Variants in RHAG observed in about 807,000 individuals in gnomAD.
RHAG encodes Rh associated glycoprotein.
Under a neutral mutation model 42.4 loss-of-function variants are expected in RHAG, and 25 were observed. That is an observed-to-expected ratio of 0.59 (90% CI 0.43 to 0.82). The LOEUF (loss-of-function observed/expected upper bound fraction) is 0.82, where lower values mean the gene tolerates loss of function less well. Ranked by LOEUF, RHAG falls within the 40% of genes least tolerant of loss-of-function variation. The probability of loss-of-function intolerance (pLI) is 0.00; values close to 1 mark genes in which losing one functional copy is unlikely to be tolerated. For synonymous variants in RHAG, 182 were observed against 177.7 expected (o/e 1.02, Z -0.19); for missense variants, 483 against 504.6 (o/e 0.96, Z 0.41).
intron 1 of RHAG, among the ~76,000 whole-genome samples, chr6:49,622,037 T>C (rs1193134575): frequency 6.6e-6 from 1 of 151,934 alleles, no homozygotes; most frequent in Non-Finnish European, 1.5e-5. Context: ...TTATTGGTTT[T>C]AAACTGTGCA....
chr6:49,607,542 A>G (rs1051221830), intron 7 of RHAG, among the ~76,000 whole-genome samples: 12 of 152,186 alleles, frequency 7.9e-5, no homozygotes, highest in Non-Finnish European at 1.5e-5. Flanking sequence ...AATATTGAGT[A>G]TCCACTCTCT....
At chr6:49,630,893 A>G (rs1440248437) in intron 1 of RHAG, among the ~76,000 whole-genome samples, 2 of 152,148 alleles carry the variant, frequency 1.3e-5, no homozygotes, top group African/African-American at 2.4e-5. Context: ...TATTCACTCA[A>G]GTTTCATACA....
chr6:49,605,572 A>T lies in RHAG; in HGVS notation c.*241T>A. On this transcript the variant is annotated 3_prime_UTR_variant, in exon 10 of 10. Coordinates refer to ENST00000371175, the MANE Select transcript of RHAG (RefSeq NM_000324.3). ...TATTTGATTATCTGTTTTATGAGTA[A>T]CATCCCCTCAATTAATCATTGAAGA... is the stretch of plus-strand genomic sequence containing the variant. The T allele has an allele frequency of 1.7e-6, 1 of 593,788 alleles. No individual in the cohort carries two copies. Among genetic ancestry groups the T allele is most frequent in the Non-Finnish European group, 3.0e-6 (1 of 328,076 alleles). 36.8% of individuals were successfully genotyped at this position (593,788 alleles called of 1,614,324 possible).
intron 1 of RHAG, among the ~76,000 whole-genome samples, chr6:49,623,732 AG>A (rs1304699612): frequency 1.3e-5 from 2 of 152,244 alleles, no homozygotes; most frequent in African/African-American, 2.4e-5. Flanking sequence ...GCTTCCCACA[AG>A]GAAGTATTGG....
intron 1 of RHAG, among the ~76,000 whole-genome samples, chr6:49,621,734 ATATGCATGATTCT>A (rs941930402): frequency 9.9e-5 from 15 of 152,174 alleles, no homozygotes; most frequent in African/African-American, 3.6e-4. Context: ...AACTTAGGGG[ATATGCATGATTCT>A]TAGTATGGTT....
chr6:49,622,163 A>T (rs1319679558), intron 1 of RHAG, among the ~76,000 whole-genome samples: 2 of 150,698 alleles, frequency 1.3e-5, no homozygotes, highest in East Asian at 3.9e-4. Flanking sequence ...TAATGGAGGC[A>T]GGTCCTTCCC....
At chr6:49,615,514 C>A in intron 4 of RHAG, 110 bp downstream of exon 4, 1 of 1,269,010 alleles carries the variant, frequency 7.9e-7, no homozygotes. Flanking sequence ...TCGTTCACTA[C>A]CATGCCTGGC....
intron 1 of RHAG, among the ~76,000 whole-genome samples, chr6:49,633,265 C>A (rs983399975): frequency 2.6e-5 from 4 of 152,054 alleles, no homozygotes; most frequent in African/African-American, 9.7e-5. Context: ...AGGAACCGAG[C>A]CTTTTCTTTG....
rs566504084 is a variant in RHAG, at chr6:49,607,762, G to C, written c.1068-542C>G. Among the ~76,000 whole-genome samples, 6 of 152,304 alleles carry C rather than the reference G, an allele frequency of 3.9e-5. No individual in the cohort carries two copies. In the South Asian group the frequency reaches 1.2e-3, roughly 32 times the overall value. ...TGAAAGAATGTGATAAAAGGCCATT[G>C]AAGTGCATAAAGGTGTTATATGAAT... On this transcript the variant is annotated intron_variant, in intron 7 of 9. Coordinates refer to ENST00000371175, the MANE Select transcript of RHAG (RefSeq NM_000324.3).
intron 2 of RHAG, 145 bp from the exon 3 acceptor site, chr6:49,618,363 C>G: frequency 2.5e-6 from 2 of 798,012 alleles, no homozygotes; most frequent in Non-Finnish European, 4.2e-6. Context: ...CTCTTTTTGA[C>G]CAGACACTCT....
At chr6:49,629,776 C>T (rs1046134403) in intron 1 of RHAG, among the ~76,000 whole-genome samples, 2 of 152,240 alleles carry the variant, frequency 1.3e-5, no homozygotes, top group Non-Finnish European at 2.9e-5. Context: ...ACACCCTCCG[C>T]AGCCGCTGGC....
intron 3 of RHAG, among the ~76,000 whole-genome samples, chr6:49,616,234 C>T (rs919483313): frequency 6.6e-6 from 1 of 151,756 alleles, no homozygotes; most frequent in Non-Finnish European, 1.5e-5. Context: ...CTTGTAGTCC[C>T]AGCTACTGGG....
intron 3 of RHAG, 61 bp downstream of exon 3, chr6:49,618,007 G>GT: frequency 6.0e-6 from 9 of 1,511,610 alleles, no homozygotes; most frequent in East Asian, 2.3e-5. Context: ...GACACCCATT[G>GT]TTTTTTTGTA....
Position 49,606,838 on chromosome 6 carries a change from T to C in RHAG, c.1212+10A>G, listed in dbSNP as rs760395488. On this transcript the variant is annotated intron_variant, in intron 9 of 9. Coordinates refer to ENST00000371175, the MANE Select transcript of RHAG (RefSeq NM_000324.3). ...TCGTTCACATTCTTGTTTAGAATACTGTACAGTACCTTCCAATAAACAGAA... is the reference window on the plus strand; with the variant it reads ...TCGTTCACATTCTTGTTTAGAATACCGTACAGTACCTTCCAATAAACAGAA... The C allele has an allele frequency of 2.6e-6, 4 of 1,567,442 alleles. No individual in the cohort carries two copies. The highest frequency in any genetic ancestry group is 2.2e-5 in the South Asian group (2 of 90,104).
chr6:49,615,737 G>C lies in RHAG; in HGVS notation c.527C>G (p.Ala176Gly). ...AGCCAAGCCAAAGTAGGCCCCAAAG[G>C]CATGGATCGTCATTGATGCTCCAAT... is the stretch of plus-strand genomic sequence containing the variant. ...SDIGASMTIH[A>G]FGAYFGLAVA... The change falls in exon 4 of 10, where the codon GCC (alanine) becomes GGC (glycine). Residue 176 changes from alanine to glycine, a missense_variant. Ala to Gly is a moderately conservative substitution (Grantham distance 60). Transcript: ENST00000371175. The C allele has an allele frequency of 6.2e-7, 1 of 1,614,096 alleles. No homozygotes were observed. Among genetic ancestry groups the C allele is most frequent in the Non-Finnish European group, 8.5e-7 (1 of 1,180,014 alleles).
chr6:49,620,610 C>CAGTGGCATG (rs1762739387), intron 1 of RHAG, among the ~76,000 whole-genome samples: 1 of 152,016 alleles, frequency 6.6e-6, no homozygotes, highest in Non-Finnish European at 1.5e-5. Context: ...CGGCTCACTG[C>CAGTGGCATG]AACCTCCGCC....
Position 49,611,021 on chromosome 6 carries a change from C to T in RHAG, c.1067+3G>A, listed in dbSNP as rs200874223. The stretch of plus-strand genomic sequence containing the variant: ...GGGCTGAAAAACCCATTCTTTTACT[C>T]ACGTGTTGGAGGCGCCCATTGCTAC... On this transcript the variant is annotated splice_donor_region_variant and intron_variant, in intron 7 of 9. Coordinates refer to ENST00000371175, the MANE Select transcript of RHAG (RefSeq NM_000324.3). The T allele has an allele frequency of 1.8e-5, 29 of 1,613,814 alleles. 1 individual carries two copies. The Admixed American group carries it at 2.7e-4, about 15-fold the overall frequency.
chr6:49,610,455 G>A (rs1414807632), intron 7 of RHAG, among the ~76,000 whole-genome samples: 2 of 152,130 alleles, frequency 1.3e-5, no homozygotes, highest in African/African-American at 4.8e-5. Flanking sequence ...ACATCTGATA[G>A]AGCTAGAAGG....
chr6:49,627,405 C>T (rs1450148988), intron 1 of RHAG, among the ~76,000 whole-genome samples: 1 of 152,122 alleles, frequency 6.6e-6, no homozygotes, highest in Non-Finnish European at 1.5e-5. Context: ...CAACAAGTTC[C>T]CCATCTCACT....
Sources: gnomAD v4.1 joint callset for allele counts (sites outside exome capture counted in the v4.1 genomes callset) on GRCh38, gnomAD v4.1.1 for gene constraint, MANE v1.5 for transcripts, NCBI Gene and HGNC (gene_info 2026-07-23, HGNC 2026-07-21) for gene names.